DGKB: variants seen among roughly 807,000 people sequenced by gnomAD.
DGKB encodes the protein 90 kDa diacylglycerol kinase.
DGKB carries 67 observed loss-of-function variants against 114.3 expected under a neutral mutation model. That is an observed-to-expected ratio of 0.59 (90% confidence interval 0.48 to 0.72). DGKB has a LOEUF of 0.72. Among genes scored for constraint, DGKB ranks in the 30% least tolerant of loss-of-function variants. The pLI, the probability that DGKB is intolerant of heterozygous loss-of-function variation, is 0.00. For synonymous variants in DGKB, 398 were observed against 323.1 expected, an observed-to-expected ratio of 1.23 and a Z score of -2.49; for missense variants, 907 against 975.2, an observed-to-expected ratio of 0.93 and a Z score of 0.93.
intron 20 of DGKB, among the ~76,000 whole-genome samples, chr7:14,551,155 C>G (rs772485176): frequency 3.9e-5 from 6 of 152,106 alleles, no homozygotes; most frequent in Non-Finnish European, 8.8e-5. Flanking sequence ...TAGTGACTGA[C>G]TAAGGCTGAA....
chr7:14,320,312 G>C (rs982904075), intron 23 of DGKB, among the ~76,000 whole-genome samples: 2 of 152,218 alleles, frequency 1.3e-5, no homozygotes, highest in East Asian at 3.9e-4. Context: ...CTCAGCATAT[G>C]GTGGGCCCTG....
intron 13 of DGKB, among the ~76,000 whole-genome samples, chr7:14,647,862 T>A (rs890696231): frequency 1.5e-4 from 23 of 152,206 alleles, no homozygotes; most frequent in Admixed American, 1.5e-3. Context: ...GTTCCCTTTC[T>A]GAGTCAAAGA....
intron 23 of DGKB, among the ~76,000 whole-genome samples, chr7:14,253,185 C>T (rs939951854): frequency 1.3e-5 from 2 of 152,070 alleles, no homozygotes; most frequent in African/African-American, 4.8e-5. Flanking sequence ...CAAGTGTGTG[C>T]CACCATGCTG....
intron 2 of DGKB, among the ~76,000 whole-genome samples, chr7:14,832,817 T>C (rs1846611160): frequency 6.6e-6 from 1 of 152,080 alleles, no homozygotes; most frequent in Admixed American, 6.6e-5. Context: ...ATGCCCATGA[T>C]TTGATAACTA....
intron 23 of DGKB, among the ~76,000 whole-genome samples, chr7:14,258,853 C>G (rs553466668): frequency 6.6e-6 from 1 of 151,256 alleles, no homozygotes; most frequent in Non-Finnish European, 1.5e-5. Context: ...CTGTGCCTAT[C>G]CCTCAAAAAC....
intron 20 of DGKB, among the ~76,000 whole-genome samples, chr7:14,548,586 T>C (rs1417897333): frequency 1.3e-5 from 2 of 151,754 alleles, no homozygotes; most frequent in African/African-American, 4.8e-5. Context: ...AGGAATAGAG[T>C]AAAGTAAAAG....
At chr7:14,197,206 A>AC (rs113228566) in intron 23 of DGKB, among the ~76,000 whole-genome samples, 67 of 152,136 alleles carry the variant, frequency 4.4e-4, no homozygotes, top group African/African-American at 1.5e-3. Context: ...GAAGAGATAT[A>AC]CCCCCTTTTT....
chr7:14,188,245 A>G (rs76684303), intron 23 of DGKB, among the ~76,000 whole-genome samples: 16,885 of 152,236 alleles, frequency 0.11, 1,070 homozygotes, highest in Admixed American at 0.19. Flanking sequence ...AAATTTTCTC[A>G]TAATAGGAGT....
At chr7:14,232,637 C>T (rs17167991) in intron 23 of DGKB, among the ~76,000 whole-genome samples, 34,020 of 151,762 alleles carry the variant, frequency 0.22, 3,806 homozygotes, top group Middle Eastern at 0.29. Flanking sequence ...TCAGGACTAA[C>T]TCAAATCCCT....
chr7:14,664,158 G>A (rs74689649), intron 13 of DGKB, among the ~76,000 whole-genome samples: 3,304 of 151,990 alleles, frequency 0.022, 117 homozygotes, highest in African/African-American at 0.076. Context: ...AACATCTAAT[G>A]AACTTCCCCT....
At chr7:14,832,137 T>C (rs554297734) in intron 2 of DGKB, among the ~76,000 whole-genome samples, 1 of 152,250 alleles carries the variant, frequency 6.6e-6, no homozygotes, top group East Asian at 1.9e-4. Flanking sequence ...ATAGTCTTTT[T>C]TATTTTCTTA....
At chr7:14,786,951 A>G (rs575974060) in intron 2 of DGKB, among the ~76,000 whole-genome samples, 1 of 152,346 alleles carries the variant, frequency 6.6e-6, no homozygotes, top group East Asian at 1.9e-4. Flanking sequence ...CTCTCCACTG[A>G]GAGCTGCAAA....
At chr7:14,343,961 C>A (rs1406300924) in intron 22 of DGKB, among the ~76,000 whole-genome samples, 2 of 144,774 alleles carry the variant, frequency 1.4e-5, no homozygotes, top group African/African-American at 2.6e-5. Context: ...AAATATATAA[C>A]TAAATGTAGT....
intron 23 of DGKB, among the ~76,000 whole-genome samples, chr7:14,284,946 G>A (rs1389442320): frequency 1.3e-5 from 2 of 151,152 alleles, no homozygotes; most frequent in Admixed American, 1.3e-4. Context: ...CACCAGCATG[G>A]CACATGTATA....
chr7:14,389,523 A>G (rs769077175), intron 21 of DGKB, among the ~76,000 whole-genome samples: 18 of 152,212 alleles, frequency 1.2e-4, no homozygotes, highest in Non-Finnish European at 2.1e-4. Context: ...TTGATTTGCA[A>G]CAAAGTCTTT....
At chr7:14,971,968 A>C (rs1002555398) in intron 1 of DGKB, among the ~76,000 whole-genome samples, 3 of 151,828 alleles carry the variant, frequency 2.0e-5, no homozygotes, top group African/African-American at 7.3e-5. Flanking sequence ...CTGGCCTTGA[A>C]CTCCTGACCT....
chr7:14,315,977 T>G (rs1404855388), intron 23 of DGKB, among the ~76,000 whole-genome samples: 6 of 151,660 alleles, frequency 4.0e-5, no homozygotes, highest in Non-Finnish European at 2.9e-5. Context: ...GGATTAAGAA[T>G]TTCACTCAAA....
At chr7:14,898,829 A>T (rs777671603) in intron 1 of DGKB, among the ~76,000 whole-genome samples, 9 of 152,116 alleles carry the variant, frequency 5.9e-5, no homozygotes, top group Admixed American at 2.0e-4. Context: ...TGAAGGTAAC[A>T]GCTTTTGTGC....
chr7:14,507,879 C>T (rs543834734), intron 20 of DGKB, among the ~76,000 whole-genome samples: 1 of 152,302 alleles, frequency 6.6e-6, no homozygotes, highest in East Asian at 1.9e-4. Context: ...GGTCCAAACA[C>T]TTGTCCATCC....
Sources: allele counts gnomAD v4.1 joint callset (sites outside exome capture counted in the v4.1 genomes callset), GRCh38; gene constraint gnomAD v4.1.1; transcripts MANE v1.5; gene names NCBI Gene and HGNC (gene_info 2026-07-23, HGNC 2026-07-21).